Variants in CFAP299 observed in about 807,000 individuals in gnomAD.
The protein encoded by CFAP299 is cilia and flagella associated protein 299.
CFAP299 carries 21 observed loss-of-function variants against 27.0 expected under a neutral mutation model. The ratio of observed to expected loss-of-function variants is 0.78; its 90% CI spans 0.55 to 1.12. The LOEUF (loss-of-function observed/expected upper bound fraction) is 1.12, where lower values mean the gene tolerates loss of function less well. Ranked by LOEUF, CFAP299 falls within the 50% of genes most tolerant of loss-of-function variation. The pLI, the probability that CFAP299 is intolerant of heterozygous loss-of-function variation, is 0.00. For missense variants in CFAP299, 310 were observed against 276.6 expected (o/e 1.12, Z -0.86); for synonymous variants, 104 against 98.1 (o/e 1.06, Z -0.36).
intron 3 of CFAP299, among the ~76,000 whole-genome samples, chr4:80,687,362 G>A (rs936303261): frequency 3.3e-5 from 5 of 151,994 alleles, no homozygotes; most frequent in African/African-American, 1.2e-4. Context: ...TAGGAGCTTT[G>A]TAAATGATCC....
chr4:80,520,284 C>G (rs1057177984), intron 2 of CFAP299, among the ~76,000 whole-genome samples: 7 of 152,158 alleles, frequency 4.6e-5, no homozygotes, highest in African/African-American at 1.2e-4. Flanking sequence ...TTTATCTCCT[C>G]TAAGCATCAA....
intron 2 of CFAP299, among the ~76,000 whole-genome samples, chr4:80,370,870 G>A (rs1024676058): frequency 6.6e-6 from 1 of 152,216 alleles, no homozygotes; most frequent in Admixed American, 6.5e-5. Context: ...GAGGATGGTA[G>A]CCCTCTTCTT....
chr4:80,616,683 C>G (rs1346486240), intron 3 of CFAP299, among the ~76,000 whole-genome samples: 1 of 152,042 alleles, frequency 6.6e-6, no homozygotes, highest in Admixed American at 6.6e-5. Flanking sequence ...CCTCATTATA[C>G]TTCTCGGAGC....
At chr4:80,689,144 C>G (rs1578021098) in intron 3 of CFAP299, among the ~76,000 whole-genome samples, 1 of 152,134 alleles carries the variant, frequency 6.6e-6, no homozygotes, top group East Asian at 1.9e-4. Flanking sequence ...GAGAACTTCC[C>G]CAATCTAGCA....
intron 2 of CFAP299, among the ~76,000 whole-genome samples, chr4:80,496,089 T>G (rs1343900784): frequency 6.6e-6 from 1 of 152,202 alleles, no homozygotes; most frequent in Non-Finnish European, 1.5e-5. Flanking sequence ...GTTGCCTTTT[T>G]TTAGTTATGC....
intron 4 of CFAP299, among the ~76,000 whole-genome samples, chr4:80,895,358 T>TC (rs142026852): frequency 0.067 from 10,177 of 152,052 alleles, 719 homozygotes; most frequent in African/African-American, 0.16. Flanking sequence ...TTGCTTTGTT[T>TC]CTTCAACTCA....
At chr4:80,346,522 T>A (rs1242517962) in intron 1 of CFAP299, among the ~76,000 whole-genome samples, 1 of 152,206 alleles carries the variant, frequency 6.6e-6, no homozygotes, top group East Asian at 1.9e-4. Context: ...CACCATTTAT[T>A]AAATAGGGAA....
At chr4:80,562,481 C>T (rs13146659) in intron 2 of CFAP299, among the ~76,000 whole-genome samples, 95,332 of 150,122 alleles carry the variant, frequency 0.64, 33,366 homozygotes, top group Non-Finnish European at 0.78. Flanking sequence ...GCCCGTAATC[C>T]CAGCTACAAA....
At chr4:80,863,337 T>C (rs1396085347) in intron 3 of CFAP299, among the ~76,000 whole-genome samples, 4 of 152,126 alleles carry the variant, frequency 2.6e-5, no homozygotes, top group Non-Finnish European at 4.4e-5. Flanking sequence ...AACAAGTTCA[T>C]GAATTTGTAT....
chr4:80,796,217 A>C (rs1026577809), intron 3 of CFAP299, among the ~76,000 whole-genome samples: 2 of 152,114 alleles, frequency 1.3e-5, no homozygotes, highest in Non-Finnish European at 2.9e-5. Flanking sequence ...TTTATTCTTC[A>C]CCTTAGAAGG....
chr4:80,385,653 C>G (rs1296345110), intron 2 of CFAP299, among the ~76,000 whole-genome samples: 1 of 152,216 alleles, frequency 6.6e-6, no homozygotes, highest in African/African-American at 2.4e-5. Context: ...AGATCTGTCT[C>G]ACAGCTGCAG....
chr4:80,928,047 G>T (rs1736390611), intron 4 of CFAP299, among the ~76,000 whole-genome samples: 1 of 152,024 alleles, frequency 6.6e-6, no homozygotes, highest in African/African-American at 2.4e-5. Flanking sequence ...TAATGACCTG[G>T]TGCTCCACTG....
chr4:80,494,006 A>T (rs1021195792), intron 2 of CFAP299, among the ~76,000 whole-genome samples: 7 of 151,536 alleles, frequency 4.6e-5, no homozygotes, highest in Admixed American at 1.3e-4. Flanking sequence ...CGATCTCCTG[A>T]CCTCATGATC....
At chr4:80,538,590 C>A (rs1259832602) in intron 2 of CFAP299, among the ~76,000 whole-genome samples, 1 of 151,466 alleles carries the variant, frequency 6.6e-6, no homozygotes, top group Non-Finnish European at 1.5e-5. Flanking sequence ...TTTTACTGTA[C>A]CTTTTATAAG....
intron 3 of CFAP299, among the ~76,000 whole-genome samples, chr4:80,640,742 A>T (rs1343469223): frequency 2.6e-5 from 4 of 152,104 alleles, no homozygotes; most frequent in Admixed American, 2.6e-4. Flanking sequence ...GTGAATTATT[A>T]TTTCCCTCCC....
At chr4:80,386,771 A>G in intron 2 of CFAP299, 1 of 1,327,960 alleles carries the variant, frequency 7.5e-7, no homozygotes, top group Non-Finnish European at 1.1e-6. Context: ...CGGCCGGTTG[A>G]ACAACTTACC....
upstream of CFAP299, chr4:80,335,648 T>G: frequency 4.4e-6 from 3 of 684,268 alleles, no homozygotes; most frequent in East Asian, 5.5e-5. Context: ...CGCCGGGGGG[T>G]GGGATTAACG....
In CFAP299 at chr4:80,799,893, A is replaced by ATATATAT. The variant is rs1325926832; in HGVS notation, c.334-70099_334-70098insATATATT. On this transcript the variant is annotated intron_variant, in intron 3 of 5. Coordinates refer to ENST00000358105, the MANE Select transcript of CFAP299 (RefSeq NM_152770.3). The stretch of plus-strand genomic sequence containing the variant: ...ATATATTATATTATATAATATATAA[A>ATATATAT]TTATATATTATAATATAATATATAA... Among the ~76,000 whole-genome samples the ATATATAT allele has an allele frequency of 2.4e-3, 98 of 40,552 alleles. 6 individuals carry two copies. Among genetic ancestry groups the ATATATAT allele is most frequent in the African/African-American group, 0.011 (93 of 8,758 alleles). The allele number at this position is 40,552 out of a possible 152,430, so 26.6% of individuals were successfully genotyped here. A position where few individuals can be genotyped will look rare whatever the true frequency, so the allele number is the denominator to read the frequency against.
At chr4:80,333,257 G>T (rs1249604318), upstream of CFAP299, among the ~76,000 whole-genome samples, 1 of 152,132 alleles carries the variant, frequency 6.6e-6, no homozygotes, top group African/African-American at 2.4e-5. Flanking sequence ...ACGAGAAATA[G>T]CTCAAGTAAA....
Sources: allele counts gnomAD v4.1 joint callset (sites outside exome capture counted in the v4.1 genomes callset), GRCh38; gene constraint gnomAD v4.1.1; transcripts MANE v1.5; gene names NCBI Gene and HGNC (gene_info 2026-07-23, HGNC 2026-07-21).